DYNC1H1: variants seen among roughly 807,000 people sequenced by gnomAD.
DYNC1H1 encodes the protein dynein cytoplasmic 1 heavy chain 1.
Under a neutral mutation model 527.1 loss-of-function variants are expected in DYNC1H1, and 51 were observed. The observed-to-expected ratio is 0.10, with a 90% CI of 0.08 to 0.12. DYNC1H1 has a LOEUF of 0.12. Among genes scored for constraint, DYNC1H1 ranks in the 10% least tolerant of loss-of-function variants. The pLI, the probability that DYNC1H1 is intolerant of heterozygous loss-of-function variation, is 1.00. For missense variants in DYNC1H1, 2,771 were observed against 5,971.8 expected (o/e 0.46, Z 17.66); for synonymous variants, 2,189 against 2,278.8 (o/e 0.96, Z 1.12).
Position 102,012,715 on chromosome 14 carries a change from C to G in DYNC1H1, c.7014+245C>G, listed in dbSNP as rs1237546387. The G allele has an allele frequency of 7.2e-6, 4 of 553,766 alleles. No individual in the cohort carries two copies. The highest frequency in any genetic ancestry group is 5.7e-5 in the African/African-American group (3 of 52,836). 34.3% of individuals were successfully genotyped at this position (553,766 alleles called of 1,614,324 possible). On this transcript the variant is annotated intron_variant, in intron 34 of 77. Transcript: ENST00000360184. This position sits in a 1 kb window ranked among gnomAD's most constrained non-coding sequence, Gnocchi z 4.9. ...TCATTTATTGAGTAATAAGCACACT[C>G]TATGATTATCAGTTAACCCTGTATG...
chr14:102,054,972 T>C lies in DYNC1H1; in HGVS notation c.*4409T>C, dbSNP rs8019874. 0.35 allele frequency: 53,017 copies of C among 152,170 alleles called. 12,104 individuals carry two copies. Among genetic ancestry groups the C allele is most frequent in the African/African-American group, 0.66 (27,378 of 41,460 alleles). 9.4% of individuals were successfully genotyped at this position (152,170 alleles called of 1,614,324 possible). A position where few individuals can be genotyped will look rare whatever the true frequency, so the allele number is the denominator to read the frequency against. On this transcript the variant is annotated 3_prime_UTR_variant, in exon 78 of 78. Transcript: ENST00000360184. ...TTGGTCTCCCAAAGTGCTAGGATTA[T>C]GGGCCTGAGCCACCCCACCCGGCCC...
In DYNC1H1 at chr14:102,038,969, A is replaced by G. The variant is rs113065411; in HGVS notation, c.11207-32A>G. Reference sequence around the variant, plus strand: ...CTGAGAGCATACCTTTTGAAGGATTATTGCAAACTCTGGATGTTTTATTCA... The same window carrying G: ...CTGAGAGCATACCTTTTGAAGGATTGTTGCAAACTCTGGATGTTTTATTCA... On this transcript the variant is annotated intron_variant, in intron 59 of 77. Transcript: ENST00000360184. The surrounding 1 kb of genome is among the most constrained non-coding windows in gnomAD (Gnocchi z 7.2). 8.1e-6 allele frequency: 13 copies of G among 1,614,008 alleles called. No homozygotes were observed. Among genetic ancestry groups the G allele is most frequent in the African/African-American group, 2.7e-5 (2 of 75,056 alleles).
intron 5 of DYNC1H1, among the ~76,000 whole-genome samples, chr14:101,982,299 A>G (rs1053277517): frequency 1.3e-5 from 2 of 152,102 alleles, no homozygotes; most frequent in Non-Finnish European, 2.9e-5. Flanking sequence ...ATGTAATAAT[A>G]ATAATAGAAA....
rs889733179 is a variant in DYNC1H1 at position 102,029,935 on chromosome 14, G to A, written c.9759G>A (p.Lys3253=). 2.5e-6 allele frequency: 4 copies of A among 1,614,026 alleles called. No homozygotes were observed. The African/African-American group carries it at 5.3e-5, about 22-fold the overall frequency. Residue 3253 remains lysine, a synonymous_variant, in exon 50 of 78, where the codon AAG becomes AAA. Transcript: ENST00000360184. The surrounding 1 kb of genome is among the most constrained non-coding windows in gnomAD (Gnocchi z 5.3). ...MVKDQQEAEK[K]KVMSQEIQEQ... ...AAGACCAGCAGGAGGCTGAAAAGAAGAAGGTATGGTGTCAGGGAATTCTGG... is the reference window on the plus strand; with the variant it reads ...AAGACCAGCAGGAGGCTGAAAAGAAAAAGGTATGGTGTCAGGGAATTCTGG...
chr14:102,008,466 T>A, intron 29 of DYNC1H1, 129 bp downstream of exon 29: 1 of 1,276,304 alleles, frequency 7.8e-7, no homozygotes, highest in Non-Finnish European at 1.1e-6. Context: ...TTACAGGCAG[T>A]GTAGTGAGCT....
chr14:101,991,724 G>A (rs2048000440), intron 11 of DYNC1H1, 51 bp downstream of exon 11: 1 of 1,609,802 alleles, frequency 6.2e-7, no homozygotes, highest in South Asian at 1.1e-5. Flanking sequence ...ACTCTCATGG[G>A]CTCTGTGATA....
At chr14:102,043,752 A>G (rs1567023244) in intron 69 of DYNC1H1, 123 bp from the exon 70 acceptor site, 1 of 1,365,684 alleles carries the variant, frequency 7.3e-7, no homozygotes, top group East Asian at 2.3e-5. Flanking sequence ...ACTCATGTGA[A>G]TCTGCTGCCA....
intron 15 of DYNC1H1, among the ~76,000 whole-genome samples, chr14:101,996,350 G>A (rs1019602000): frequency 4.0e-5 from 6 of 151,654 alleles, no homozygotes; most frequent in African/African-American, 1.5e-4. Context: ...GGGTGGTCTC[G>A]AACTCCTGGC....
Position 101,983,907 on chromosome 14 carries a change from C to A in DYNC1H1, c.1461+298C>A, listed in dbSNP as rs958908141. ...TTGGCCAGGCTGGTTTTGAACTGGC[C>A]TTCAAGTGTTCCACCTGCCTCGGCC... On this transcript the variant is annotated intron_variant, in intron 7 of 77. Coordinates refer to ENST00000360184, the MANE Select transcript of DYNC1H1 (RefSeq NM_001376.5). This position sits in a 1 kb window ranked among gnomAD's most constrained non-coding sequence, Gnocchi z 5.3. Among the ~76,000 whole-genome samples the A allele has an allele frequency of 6.6e-6, 1 of 152,042 alleles. No homozygotes were observed. Among genetic ancestry groups the A allele is most frequent in the Non-Finnish European group, 1.5e-5 (1 of 68,000 alleles).
chr14:102,017,784 G>A lies in DYNC1H1; in HGVS notation c.8177+280G>A. ...GATTGAGACCATCCTGGCCAACACA[G>A]TGAAACCTCGTCTCTACTGAAAATA... On this transcript the variant is annotated intron_variant, in intron 40 of 77. Transcript: ENST00000360184. The surrounding 1 kb of genome is among the most constrained non-coding windows in gnomAD (Gnocchi z 4.6). The A allele has an allele frequency of 6.5e-6, 3 of 461,530 alleles. No individual in the cohort carries two copies. Among genetic ancestry groups the A allele is most frequent in the South Asian group, 6.3e-5 (3 of 47,788 alleles). The allele number at this position is 461,530 out of a possible 1,614,324, so 28.6% of individuals were successfully genotyped here. A position where few individuals can be genotyped will look rare whatever the true frequency, so the allele number is the denominator to read the frequency against.
At position 102,038,305 on chromosome 14, in the gene DYNC1H1, T is replaced by G; in HGVS notation, c.10909-155T>G. On this transcript the variant is annotated intron_variant, in intron 57 of 77. Coordinates refer to ENST00000360184, the MANE Select transcript of DYNC1H1 (RefSeq NM_001376.5). The surrounding 1 kb of genome is among the most constrained non-coding windows in gnomAD (Gnocchi z 7.2). ...AGTTTTTAATTTTAGTTCATTTAAA[T>G]GTAAGTAGCCACACATAGCTAGTGG... is the stretch of plus-strand genomic sequence containing the variant. 8.0e-7 allele frequency: 1 copy of G among 1,254,422 alleles called. No individual in the cohort carries two copies. The highest frequency in any genetic ancestry group is 1.1e-6 in the Non-Finnish European group (1 of 891,374). 77.7% of individuals were successfully genotyped at this position (1,254,422 alleles called of 1,614,324 possible). A position where few individuals can be genotyped will look rare whatever the true frequency, so the allele number is the denominator to read the frequency against.
Position 102,041,552 on chromosome 14 carries a change from C to T in DYNC1H1, c.11942-22C>T. Reference sequence around the variant, plus strand: ...TGAGTCCATGCTTCCACCCAGCACCCACCCCTCTGTACCTGTTTCAGCACC... The same window carrying T: ...TGAGTCCATGCTTCCACCCAGCACCTACCCCTCTGTACCTGTTTCAGCACC... On this transcript the variant is annotated intron_variant, in intron 64 of 77. Transcript: ENST00000360184. The surrounding 1 kb of genome is among the most constrained non-coding windows in gnomAD (Gnocchi z 4.5). The T allele has an allele frequency of 6.2e-7, 1 of 1,613,692 alleles. No individual in the cohort carries two copies. Among genetic ancestry groups the T allele is most frequent in the African/African-American group, 1.3e-5 (1 of 75,048 alleles).
chr14:101,997,236 G>C lies in DYNC1H1; in HGVS notation c.3766G>C (p.Asp1256His). 1 of 1,614,022 alleles carries C rather than the reference G, an allele frequency of 6.2e-7. No homozygotes were observed. Among genetic ancestry groups the C allele is most frequent in the Non-Finnish European group, 8.5e-7 (1 of 1,180,006 alleles). ...TCGGGCCGTGGAAAGCCGCACCACC[G>C]ACCTGCTGACTGACTGGGAGAAGAC... is the stretch of plus-strand genomic sequence containing the variant. ...EDRAVESRTTDLLTDWEKTKP... is the reference protein window; with the variant it reads ...EDRAVESRTTHLLTDWEKTKP... The change falls in exon 16 of 78, where the codon GAC becomes CAC. Residue 1256 changes from aspartate (D) to histidine (H), a missense_variant. Asp to His is a moderately conservative substitution (Grantham distance 81). Coordinates refer to ENST00000360184, the MANE Select transcript of DYNC1H1 (RefSeq NM_001376.5). This position sits in a 1 kb window ranked among gnomAD's most constrained non-coding sequence, Gnocchi z 4.8.
chr14:102,017,001 TAA>T lies in DYNC1H1; in HGVS notation c.7848+4_7848+5del. The T allele has an allele frequency of 2.5e-6, 4 of 1,614,164 alleles. No individual in the cohort carries two copies. The highest frequency in any genetic ancestry group is 3.4e-6 in the Non-Finnish European group (4 of 1,180,022). On this transcript the variant is annotated splice_donor_region_variant and intron_variant, in intron 38 of 77. Transcript: ENST00000360184. This position sits in a 1 kb window ranked among gnomAD's most constrained non-coding sequence, Gnocchi z 4.6. ...CTCCGGGCCTTGCCTGACATGGAGG[TAA>T]AGAGGCCAGGAGGTGGGCAGCAGAC...
In DYNC1H1 at chr14:102,049,905, TA is replaced by T; in HGVS notation, c.13684+24del. On this transcript the variant is annotated intron_variant, in intron 76 of 77. Transcript: ENST00000360184. The surrounding 1 kb of genome is among the most constrained non-coding windows in gnomAD (Gnocchi z 5.5). ...CGGGTGAGTGGAGTCTCACAGAAAATACTGGCTCTTTGCAGGTGACCTCGGT... is the reference window on the plus strand; with the variant it reads ...CGGGTGAGTGGAGTCTCACAGAAAATCTGGCTCTTTGCAGGTGACCTCGGT... 1 of 1,580,910 alleles carries T rather than the reference TA, an allele frequency of 6.3e-7. No individual in the cohort carries two copies. Among genetic ancestry groups the T allele is most frequent in the Non-Finnish European group, 8.5e-7 (1 of 1,171,008 alleles).
In DYNC1H1 at chr14:102,034,369, T is replaced by A. The variant is rs758008365; in HGVS notation, c.10671T>A (p.Asp3557Glu). ...GGACGGAATACCTTTCCAATGCTGA[T>A]GAGCGTCTTCGCTGGCAGGCCAGCT... The part of the protein sequence containing the change: ...IARTEYLSNA[D>E]ERLRWQASSL... Residue 3557 changes from aspartate (D) to glutamate (E), a missense_variant, in exon 56 of 78, where the codon GAT becomes GAA. Around this residue, in one of 32 missense-constraint regions of DYNC1H1, gnomAD observed 283 missense variants for 737.6 expected, o/e 0.38. Transcript: ENST00000360184. 1 of 1,614,210 alleles carries A rather than the reference T, an allele frequency of 6.2e-7. No individual in the cohort carries two copies. Among genetic ancestry groups the A allele is most frequent in the Non-Finnish European group, 8.5e-7 (1 of 1,180,054 alleles).
rs529458356 is a variant in DYNC1H1 at position 102,048,085 on chromosome 14, TCATGGACCATTGTTC to T, written c.13218+70_13218+84del. 8.0e-4 allele frequency: 1,245 copies of T among 1,554,184 alleles called. 10 individuals are homozygous for T. Among genetic ancestry groups the T allele is most frequent in the Middle Eastern group, 7.4e-3 (33 of 4,470 alleles). On this transcript the variant is annotated intron_variant, in intron 73 of 77. Transcript: ENST00000360184. ...TCAAGGTCCCAGGTGCTGGGTATGG[TCATGGACCATTGTTC>T]CATGGACCATTGGTTCCACTGTGCC...
rs75968071 is a variant in DYNC1H1, at chr14:102,025,823, T to C, written c.8638-751T>C. On this transcript the variant is annotated intron_variant, in intron 43 of 77. Transcript: ENST00000360184. ...TGATTATGGTAATAAGTCTGTTTAA[T>C]AGGGCAGGCCCAGGCCAGGTGCGGT... Among the ~76,000 whole-genome samples, 41 of 152,228 alleles carry C rather than the reference T, an allele frequency of 2.7e-4. 1 individual carries two copies. The East Asian group carries it at 5.2e-3, about 19-fold the overall frequency.
In DYNC1H1 at chr14:102,012,248, G is replaced by C; in HGVS notation, c.6858-66G>C. ...AAAGGTCATTTCAGAAACCATCATC[G>C]GTAAACATGCCTAATGTTAAAATCT... is the stretch of plus-strand genomic sequence containing the variant. On this transcript the variant is annotated intron_variant, in intron 33 of 77. Coordinates refer to ENST00000360184, the MANE Select transcript of DYNC1H1 (RefSeq NM_001376.5). The surrounding 1 kb of genome is among the most constrained non-coding windows in gnomAD (Gnocchi z 4.9). The C allele has an allele frequency of 6.2e-7, 1 of 1,613,128 alleles. No homozygotes were observed. Among genetic ancestry groups the C allele is most frequent in the Non-Finnish European group, 8.5e-7 (1 of 1,179,290 alleles).
Sources: gnomAD v4.1 joint callset for allele counts (sites outside exome capture counted in the v4.1 genomes callset) on GRCh38, gnomAD v4.1.1 for gene constraint, gnomAD v4.1.1 regional missense constraint, Gnocchi (gnomAD v3.1) non-coding constraint, MANE v1.5 for transcripts, NCBI Gene and HGNC (gene_info 2026-07-23, HGNC 2026-07-21) for gene names.